Variants in CORIN observed in about 807,000 individuals in gnomAD.
CORIN encodes atrial natriuretic peptide-converting enzyme.
Under a neutral mutation model 125.3 loss-of-function variants are expected in CORIN, and 117 were observed. That is an observed-to-expected ratio of 0.93 (90% CI 0.80 to 1.09). CORIN has a LOEUF of 1.09. Ranked by LOEUF, CORIN falls within the 50% of genes least tolerant of loss-of-function variation. The probability of loss-of-function intolerance (pLI) is 0.00; values close to 1 mark genes in which losing one functional copy is unlikely to be tolerated. For synonymous variants in CORIN, 450 were observed against 466.4 expected, an observed-to-expected ratio of 0.96 and a Z score of 0.45; for missense variants, 1,253 against 1,306.7, an observed-to-expected ratio of 0.96 and a Z score of 0.63.
intron 5 of CORIN, among the ~76,000 whole-genome samples, chr4:47,738,469 C>A (rs1217248249): frequency 6.6e-6 from 1 of 152,178 alleles, no homozygotes; most frequent in African/African-American, 2.4e-5. Context: ...GCAAAAACTT[C>A]AGTGGCCAGA....
chr4:47,683,322 G>A (rs1725369522), intron 7 of CORIN: 1 of 165,144 alleles, frequency 6.1e-6, no homozygotes, highest in African/African-American at 2.4e-5. Flanking sequence ...ATTAAATAAA[G>A]GAGGGGACTT....
At chr4:47,615,178 G>A (rs1722027665) in intron 19 of CORIN, among the ~76,000 whole-genome samples, 1 of 152,188 alleles carries the variant, frequency 6.6e-6, no homozygotes, top group African/African-American at 2.4e-5. Context: ...AGAGCCCAGT[G>A]AGTGATGGGA....
At chr4:47,753,451 T>G (rs1335454165) in intron 4 of CORIN, among the ~76,000 whole-genome samples, 1 of 152,134 alleles carries the variant, frequency 6.6e-6, no homozygotes, top group Non-Finnish European at 1.5e-5. Flanking sequence ...CAGACCTTAA[T>G]AAGCCTGAGG....
chr4:47,693,096 G>A lies in CORIN; in HGVS notation c.800-13C>T, dbSNP rs750513666. On this transcript the variant is annotated splice_polypyrimidine_tract_variant and intron_variant, in intron 5 of 21. Transcript: ENST00000273857. The stretch of plus-strand genomic sequence containing the variant: ...CTTCCACAGAGCACTAAAAAAAAAG[G>A]GCAGGAAATAATGTCAGAATAAGAT... 3.9e-6 allele frequency: 6 copies of A among 1,535,478 alleles called. No homozygotes were observed. Among genetic ancestry groups the A allele is most frequent in the Non-Finnish European group, 4.5e-6 (5 of 1,109,620 alleles).
chr4:47,836,129 C>G (rs1275851086), intron 1 of CORIN, among the ~76,000 whole-genome samples: 2 of 152,130 alleles, frequency 1.3e-5, no homozygotes, highest in Non-Finnish European at 2.9e-5. Context: ...TATGGAAAAC[C>G]TGCCTGGTCA....
intron 16 of CORIN, among the ~76,000 whole-genome samples, chr4:47,629,784 A>G (rs890201212): frequency 6.6e-6 from 1 of 152,158 alleles, no homozygotes; most frequent in African/African-American, 2.4e-5. Flanking sequence ...ACTGTTTTCT[A>G]TATGACAAGC....
chr4:47,696,293 A>G (rs1362711683), intron 5 of CORIN, among the ~76,000 whole-genome samples: 1 of 152,168 alleles, frequency 6.6e-6, no homozygotes, highest in Non-Finnish European at 1.5e-5. Context: ...CATGCTATAC[A>G]ATCTTGAAAC....
At chr4:47,719,324 C>A (rs1294618457) in intron 5 of CORIN, among the ~76,000 whole-genome samples, 1 of 152,072 alleles carries the variant, frequency 6.6e-6, no homozygotes, top group Non-Finnish European at 1.5e-5. Flanking sequence ...TTATTTGTTC[C>A]TCAACCCCAG....
At chr4:47,794,742 A>G (rs1731218520) in intron 2 of CORIN, among the ~76,000 whole-genome samples, 1 of 152,148 alleles carries the variant, frequency 6.6e-6, no homozygotes. Context: ...ACTCCCTGCC[A>G]CATACTCAGC....
At chr4:47,706,357 A>G in intron 5 of CORIN, 2 of 1,584,500 alleles carry the variant, frequency 1.3e-6, no homozygotes, top group East Asian at 2.2e-5. Flanking sequence ...GGCGGCAGCC[A>G]TCAGGTAAGC....
chr4:47,662,029 T>C (rs1240734824), intron 11 of CORIN, among the ~76,000 whole-genome samples, 173 bp from the exon 12 acceptor site: 1 of 152,216 alleles, frequency 6.6e-6, no homozygotes, highest in Non-Finnish European at 1.5e-5. Flanking sequence ...ATGAGTAATA[T>C]CTCTGCAAAG....
intron 5 of CORIN, among the ~76,000 whole-genome samples, chr4:47,728,133 T>C (rs754014469): frequency 3.9e-5 from 6 of 152,158 alleles, no homozygotes; most frequent in Non-Finnish European, 8.8e-5. Flanking sequence ...CAATGCTATT[T>C]AGCAGAATGA....
chr4:47,693,849 A>C (rs953690495), intron 5 of CORIN, among the ~76,000 whole-genome samples: 1 of 152,238 alleles, frequency 6.6e-6, no homozygotes, highest in Non-Finnish European at 1.5e-5. Flanking sequence ...TTTCAGGAAG[A>C]CCATTAATAA....
chr4:47,638,291 T>C (rs961954582), intron 16 of CORIN, among the ~76,000 whole-genome samples: 1 of 152,208 alleles, frequency 6.6e-6, no homozygotes, highest in African/African-American at 2.4e-5. Flanking sequence ...CTGTGGACTC[T>C]TGAGGTAATG....
intron 4 of CORIN, among the ~76,000 whole-genome samples, chr4:47,758,919 A>T (rs1383422873): frequency 6.6e-6 from 1 of 152,232 alleles, no homozygotes; most frequent in Non-Finnish European, 1.5e-5. Context: ...TAAATTACCC[A>T]GTCTCATGCA....
At chr4:47,694,889 TATC>T (rs1440331375) in intron 5 of CORIN, among the ~76,000 whole-genome samples, 8 of 152,236 alleles carry the variant, frequency 5.3e-5, no homozygotes, top group Non-Finnish European at 1.2e-4. Flanking sequence ...TTCCCAATGC[TATC>T]AAGGAAATCA....
At chr4:47,771,665 C>T (rs576360687) in intron 3 of CORIN, among the ~76,000 whole-genome samples, 5 of 152,254 alleles carry the variant, frequency 3.3e-5, no homozygotes, top group Admixed American at 1.3e-4. Context: ...CATCATTTAG[C>T]TCCCACTTAT....
At chr4:47,729,432 G>C (rs1196441398) in intron 5 of CORIN, among the ~76,000 whole-genome samples, 2 of 152,146 alleles carry the variant, frequency 1.3e-5, no homozygotes, top group East Asian at 3.9e-4. Context: ...TCTGACAGCT[G>C]ATTAAAAGAA....
rs1041179983 is a variant in CORIN, at chr4:47,719,574, C to A, written c.799+24828G>T. 4.6e-5 allele frequency among the ~76,000 whole-genome samples: 7 copies of A among 152,210 alleles called. No individual in the cohort carries two copies. The Middle Eastern group carries it at 0.01, about 222-fold the overall frequency. ...AATGCAGTTTTGTTTTCTATCAGAA[C>A]AACAAGACATCATGTGTTTTGTTAC... On this transcript the variant is annotated intron_variant, in intron 5 of 21. Transcript: ENST00000273857.
Sources: allele counts gnomAD v4.1 joint callset (sites outside exome capture counted in the v4.1 genomes callset), GRCh38; gene constraint gnomAD v4.1.1; transcripts MANE v1.5; gene names NCBI Gene and HGNC (gene_info 2026-07-23, HGNC 2026-07-21).